Variants in AP2A2 observed in about 807,000 individuals in gnomAD.
The protein encoded by AP2A2 is adaptor related protein complex 2 subunit alpha 2, also known as AP-2 complex subunit alpha-2.
In AP2A2, 32 loss-of-function variants were observed where a neutral mutation model predicts 104.2. The observed-to-expected ratio is 0.31, with a 90% CI of 0.23 to 0.41. The LOEUF (loss-of-function observed/expected upper bound fraction) is 0.41. AP2A2 is among the 10% of genes least tolerant of loss of function. The probability of loss-of-function intolerance (pLI) is 1.00; values close to 1 mark genes in which losing one functional copy is unlikely to be tolerated. For missense variants in AP2A2, 912 were observed against 1,261.0 expected (o/e 0.72, Z 4.19); for synonymous variants, 539 against 533.3 (o/e 1.01, Z -0.15).
intron 2 of AP2A2, among the ~76,000 whole-genome samples, chr11:967,523 G>A (rs573625675): frequency 4.6e-5 from 7 of 151,882 alleles, no homozygotes; most frequent in South Asian, 2.1e-4. Flanking sequence ...CACCACGCCC[G>A]GCTTATTTTT....
Position 993,719 on chromosome 11 carries a change from G to A in AP2A2, c.1551-35G>A, listed in dbSNP as rs1196139352. The A allele has an allele frequency of 2.2e-5, 34 of 1,514,544 alleles. No individual in the cohort carries two copies. The highest frequency in any genetic ancestry group is 2.8e-5 in the Non-Finnish European group (31 of 1,120,626). 93.8% of individuals were successfully genotyped at this position (1,514,544 alleles called of 1,614,324 possible). A position where few individuals can be genotyped will look rare whatever the true frequency, so the allele number is the denominator to read the frequency against. On this transcript the variant is annotated intron_variant, in intron 12 of 21. Transcript: ENST00000448903. This position sits in a 1 kb window ranked among gnomAD's most constrained non-coding sequence, Gnocchi z 8.2. Reference sequence around the variant, plus strand: ...GGCGTGCTGCAGCCTGCGAGGGGACGACGGTGTCCCTGTGTTGTGCCTCCC... The same window carrying A: ...GGCGTGCTGCAGCCTGCGAGGGGACAACGGTGTCCCTGTGTTGTGCCTCCC...
intron 1 of AP2A2, among the ~76,000 whole-genome samples, chr11:941,849 A>G (rs923605232): frequency 1.3e-5 from 2 of 152,088 alleles, no homozygotes; most frequent in Non-Finnish European, 2.9e-5. Flanking sequence ...GGCCTCCCAA[A>G]GTGGTGGGAT....
Position 938,619 on chromosome 11 carries a change from T to C in AP2A2, c.67+12531T>C, listed in dbSNP as rs1383165933. Among the ~76,000 whole-genome samples, 4 of 151,550 alleles carry C rather than the reference T, an allele frequency of 2.6e-5. No homozygotes were observed. In the South Asian group the frequency reaches 6.3e-4, roughly 24 times the overall value. ...CCTCTCGAGTAGCTGGGACTACAGG[T>C]GCCCGCCACCACGCCTGGCTAATTT... is the stretch of plus-strand genomic sequence containing the variant. On this transcript the variant is annotated intron_variant, in intron 1 of 21. Coordinates refer to ENST00000448903, the MANE Select transcript of AP2A2 (RefSeq NM_012305.4).
At chr11:1,007,944 G>A in intron 17 of AP2A2, 68 bp from the exon 18 acceptor site, 2 of 1,549,432 alleles carry the variant, frequency 1.3e-6, no homozygotes, top group Non-Finnish European at 1.7e-6. Context: ...TCCTGCTGGG[G>A]CTCTAGCCCG....
intron 1 of AP2A2, among the ~76,000 whole-genome samples, chr11:929,376 G>A (rs987744956): frequency 6.6e-6 from 1 of 152,210 alleles, no homozygotes; most frequent in African/African-American, 2.4e-5. Context: ...ATGAGTGGAG[G>A]CCACTGGCCA....
At position 972,075 on chromosome 11, in the gene AP2A2, T is replaced by A; in HGVS notation, c.293T>A (p.Ile98Asn). 6.2e-7 allele frequency: 1 copy of A among 1,613,316 alleles called. No individual in the cohort carries two copies. The highest frequency in any genetic ancestry group is 8.5e-7 in the Non-Finnish European group (1 of 1,179,618). The change falls in exon 4 of 22, where the codon ATC (isoleucine) becomes AAC (asparagine). Residue 98 changes from isoleucine to asparagine, a missense_variant. Transcript: ENST00000448903. ...YTEKQIGYLFISVLVNSNSEL... is the reference protein window; with the variant it reads ...YTEKQIGYLFNSVLVNSNSEL... ...TTTGGAACGCAGGGCTACCTTTTCA[T>A]CTCTGTGTTGGTGAACTCAAACAGT...
rs1220273653 is a variant in AP2A2 at position 993,518 on chromosome 11, G to C, written c.1550+137G>C. ...TTCTGCTCCCCATCGGCGTCTTTTT[G>C]TTTTCCTTCAGTTGATAGAAAAAGC... On this transcript the variant is annotated intron_variant, in intron 12 of 21. Coordinates refer to ENST00000448903, the MANE Select transcript of AP2A2 (RefSeq NM_012305.4). This position sits in a 1 kb window ranked among gnomAD's most constrained non-coding sequence, Gnocchi z 8.2. 1.1e-5 allele frequency: 8 copies of C among 697,732 alleles called. No individual in the cohort carries two copies. In the Admixed American group the frequency reaches 1.6e-4, roughly 14 times the overall value. The allele number at this position is 697,732 out of a possible 1,614,324, so 43.2% of individuals were successfully genotyped here. A position where few individuals can be genotyped will look rare whatever the true frequency, so the allele number is the denominator to read the frequency against.
intron 1 of AP2A2, among the ~76,000 whole-genome samples, chr11:934,167 C>G (rs749235324): frequency 6.6e-6 from 1 of 151,980 alleles, no homozygotes; most frequent in Non-Finnish European, 1.5e-5. Context: ...AACTCCAGGT[C>G]GAAACTCCAG....
At chr11:1,002,647 C>A (rs921845901) in intron 15 of AP2A2, among the ~76,000 whole-genome samples, 6 of 152,272 alleles carry the variant, frequency 3.9e-5, no homozygotes, top group Admixed American at 1.3e-4. Flanking sequence ...CCTGTCACTG[C>A]CCCTTGCCGT....
chr11:1,007,174 C>A (rs1222331558), intron 17 of AP2A2: 1 of 154,826 alleles, frequency 6.5e-6, no homozygotes, highest in African/African-American at 2.4e-5. Flanking sequence ...GCGTGAAGAC[C>A]CCAGCTTGAC....
chr11:943,518 T>G (rs7395463), intron 1 of AP2A2, among the ~76,000 whole-genome samples: 74,347 of 152,112 alleles, frequency 0.49, 18,945 homozygotes, highest in Middle Eastern at 0.65. Flanking sequence ...AGTTTTTGCT[T>G]CTTCTTTCTT....
intron 7 of AP2A2, 30 bp from the exon 8 acceptor site, chr11:985,404 CT>C: frequency 6.3e-7 from 1 of 1,598,998 alleles, no homozygotes; most frequent in African/African-American, 1.3e-5. Flanking sequence ...CCACTGGAGA[CT>C]GGTGAGCACC....
chr11:944,507 AAC>A (rs973377225), intron 1 of AP2A2, among the ~76,000 whole-genome samples: 9 of 152,210 alleles, frequency 5.9e-5, no homozygotes, highest in African/African-American at 2.2e-4. Flanking sequence ...GAAGATGATA[AAC>A]ACAACAGAGA....
chr11:959,365 A>G, intron 1 of AP2A2, 72 bp from the exon 2 acceptor site: 1 of 1,048,218 alleles, frequency 9.5e-7, no homozygotes, highest in Non-Finnish European at 1.4e-6. Context: ...TCTGAGTGTC[A>G]GTCTTATCAG....
intron 1 of AP2A2, chr11:947,025 T>C (rs1853866787): frequency 6.7e-6 from 1 of 150,194 alleles, no homozygotes. Context: ...TTTTTTTTTT[T>C]TTGAGACGGA....
chr11:947,398 G>A (rs1247462026), intron 1 of AP2A2, among the ~76,000 whole-genome samples: 7 of 152,188 alleles, frequency 4.6e-5, no homozygotes, highest in African/African-American at 1.7e-4. Flanking sequence ...TGATTTGACA[G>A]TTACAGCACA....
chr11:984,586 GT>G, intron 6 of AP2A2, 58 bp from the exon 7 acceptor site: 2 of 1,404,104 alleles, frequency 1.4e-6, no homozygotes, highest in Non-Finnish European at 2.0e-6. Flanking sequence ...TTTTCTTTGG[GT>G]CCCCGCAGTA....
intron 1 of AP2A2, among the ~76,000 whole-genome samples, chr11:950,313 T>G (rs1854007433): frequency 6.9e-6 from 1 of 145,718 alleles, no homozygotes; most frequent in Non-Finnish European, 1.5e-5. Flanking sequence ...GGAATATGGT[T>G]TTTTTTTTTT....
chr11:1,003,835 C>T (rs755773877), intron 16 of AP2A2, 31 bp downstream of exon 16: 19 of 1,424,184 alleles, frequency 1.3e-5, no homozygotes, highest in South Asian at 3.7e-5. Context: ...ATGAAACTGT[C>T]TCTTAGAAAT....
Sources: allele counts gnomAD v4.1 joint callset (sites outside exome capture counted in the v4.1 genomes callset), GRCh38; gene constraint gnomAD v4.1.1; non-coding constraint Gnocchi (gnomAD v3.1); transcripts MANE v1.5; gene names NCBI Gene and HGNC (gene_info 2026-07-23, HGNC 2026-07-21).